The following WIPF2 variants were observed in gnomAD, a reference collection of about 807,000 sequenced individuals.
The protein encoded by WIPF2 is WAS/WASL interacting protein family member 2.
WIPF2 carries 23 observed loss-of-function variants against 38.8 expected under a neutral mutation model. That is an observed-to-expected ratio of 0.59 (90% CI 0.43 to 0.84). WIPF2 has a LOEUF of 0.84. Ranked by LOEUF, WIPF2 falls within the 40% of genes least tolerant of loss-of-function variation. WIPF2 has a pLI of 0.00. For synonymous variants in WIPF2, 210 were observed against 223.2 expected (o/e 0.94, Z 0.53); for missense variants, 574 against 580.5 (o/e 0.99, Z 0.11).
At chr17:40,262,269 A>G (rs559505147) in intron 3 of WIPF2, among the ~76,000 whole-genome samples, 1 of 151,458 alleles carries the variant, frequency 6.6e-6, no homozygotes, top group African/African-American at 2.4e-5. Context: ...TTTTTTGTAG[A>G]GTCAGGTCCT....
intron 1 of WIPF2, among the ~76,000 whole-genome samples, chr17:40,246,396 A>ATTT (rs746176753): frequency 2.2e-5 from 2 of 90,688 alleles, no homozygotes; most frequent in Non-Finnish European, 4.5e-5. Context: ...TGTGCTGCTC[A>ATTT]TTTTTTTTTT....
chr17:40,249,033 CA>C (rs1290638905), intron 1 of WIPF2, among the ~76,000 whole-genome samples: 2 of 151,806 alleles, frequency 1.3e-5, no homozygotes, highest in Non-Finnish European at 2.9e-5. Context: ...GGATTTTGTT[CA>C]GTGCTTTGAT....
At chr17:40,276,007 T>TA (rs1344469777) in intron 6 of WIPF2, among the ~76,000 whole-genome samples, 4 of 152,294 alleles carry the variant, frequency 2.6e-5, no homozygotes, top group African/African-American at 7.2e-5. Context: ...AAGCCGCACT[T>TA]ACAGAAAATT....
rs1452406041 is a variant in WIPF2, at chr17:40,260,647, G to A, written c.176G>A (p.Arg59Gln). 17 of 1,613,598 alleles carry A rather than the reference G, an allele frequency of 1.1e-5. No individual in the cohort carries two copies. Among genetic ancestry groups the A allele is most frequent in the East Asian group, 2.2e-5 (1 of 44,850 alleles). Residue 59 changes from arginine (R) to glutamine (Q), a missense_variant, in exon 3 of 8, where the codon CGG (arginine) becomes CAG (glutamine). By Grantham distance (43) the Arg-to-Gln change is conservative (BLOSUM62 1). Coordinates refer to ENST00000323571, the MANE Select transcript of WIPF2 (RefSeq NM_133264.5). ...KLKKVTNIND[R>Q]SAPILEKPKG... ...AAGAAGGTGACCAACATTAATGATC[G>A]GAGTGCTCCCATCCTCGAGAGTGAG...
chr17:40,268,013 C>T (rs756728362), intron 5 of WIPF2, among the ~76,000 whole-genome samples: 4 of 152,038 alleles, frequency 2.6e-5, no homozygotes, highest in African/African-American at 4.8e-5. Context: ...CCTGGCATGG[C>T]GGTGCATGCC....
At chr17:40,271,882 T>C (rs1349732833) in intron 5 of WIPF2, among the ~76,000 whole-genome samples, 3 of 152,210 alleles carry the variant, frequency 2.0e-5, no homozygotes, top group African/African-American at 4.8e-5. Context: ...TAGAATCTAT[T>C]ATATTCCAGT....
rs1387160542 is a variant in WIPF2, at chr17:40,281,118, T to TGTC, written c.*2897_*2899dup. The TGTC allele has an allele frequency of 1.3e-5, 2 of 152,314 alleles. No homozygotes were observed. Among genetic ancestry groups the TGTC allele is most frequent in the South Asian group, 2.1e-4 (1 of 4,830 alleles). The allele number at this position is 152,314 out of a possible 1,614,324, so 9.4% of individuals were successfully genotyped here. A position where few individuals can be genotyped will look rare whatever the true frequency, so the allele number is the denominator to read the frequency against. On this transcript the variant is annotated 3_prime_UTR_variant, in exon 8 of 8. Transcript: ENST00000323571. The stretch of plus-strand genomic sequence containing the variant: ...TGCTCTTTTTATCTGCTTGTGGGAA[T>TGTC]GTCGTCTCTTTCGTGGAAGATTGGG...
chr17:40,264,512 C>A lies in WIPF2; in HGVS notation c.336C>A (p.Ala112=). 6.2e-7 allele frequency: 1 copy of A among 1,614,054 alleles called. No homozygotes were observed. ...TAGAGAACCTAGCTGGTAAGCCAGC[C>A]CTGCAAATCCCCAGTTCTCGAGCTG... The part of the protein sequence containing the change: ...DGSENLAGKP[A]LQIPSSRAAA... The change falls in exon 5 of 8, where the codon GCC becomes GCA. Residue 112 remains alanine (A), a synonymous_variant. Transcript: ENST00000323571.
At chr17:40,254,762 C>G (rs532473893) in intron 1 of WIPF2, among the ~76,000 whole-genome samples, 2 of 151,232 alleles carry the variant, frequency 1.3e-5, no homozygotes, top group Non-Finnish European at 1.5e-5. Flanking sequence ...GACAGAGTTT[C>G]GCTCTGTTGC....
Position 40,264,730 on chromosome 17 carries a change from G to A in WIPF2, c.554G>A (p.Arg185His), listed in dbSNP as rs142347492. The change falls in exon 5 of 8, where the codon CGT (arginine) becomes CAT (histidine). Residue 185 changes from arginine to histidine, a missense_variant. Transcript: ENST00000323571. Reference sequence around the variant, plus strand: ...CCTCCCCCACCACCCCCAGGGCGGCGTGCCAACGCACCCCCCACACCTCTG... The same window carrying A: ...CCTCCCCCACCACCCCCAGGGCGGCATGCCAACGCACCCCCCACACCTCTG... The part of the protein sequence containing the change: ...SAPPPPPPGR[R>H]ANAPPTPLPM... The A allele has an allele frequency of 1.6e-5, 26 of 1,600,648 alleles. No homozygotes were observed. Among genetic ancestry groups the A allele is most frequent in the Admixed American group, 6.8e-5 (4 of 58,458 alleles).
intron 1 of WIPF2, among the ~76,000 whole-genome samples, chr17:40,253,353 C>T (rs758939326): frequency 2.0e-4 from 30 of 152,198 alleles, no homozygotes; most frequent in Non-Finnish European, 3.8e-4. Context: ...TGAGCCACCG[C>T]GCCCGGCCTA....
chr17:40,236,424 C>T (rs1026082205), intron 1 of WIPF2, among the ~76,000 whole-genome samples: 30 of 151,996 alleles, frequency 2.0e-4, no homozygotes, highest in African/African-American at 6.8e-4. Flanking sequence ...CTGCAACCTC[C>T]ACCTCCCGGT....
chr17:40,245,803 C>A (rs2031343543), intron 1 of WIPF2, among the ~76,000 whole-genome samples: 1 of 152,118 alleles, frequency 6.6e-6, no homozygotes, highest in Non-Finnish European at 1.5e-5. Flanking sequence ...AAAATCCCTC[C>A]TGGTTGAGAG....
intron 5 of WIPF2, among the ~76,000 whole-genome samples, chr17:40,270,120 C>T (rs2032204373): frequency 6.6e-6 from 1 of 151,156 alleles, no homozygotes; most frequent in Non-Finnish European, 1.5e-5. Context: ...AATCCCAGCA[C>T]TTTGGGAGGC....
Position 40,237,619 on chromosome 17 carries a change from C to G in WIPF2, c.-70+18127C>G, listed in dbSNP as rs2031027269. ...CCGACTCTCTGTTGTCGCTTAATTC[C>G]TGTTATCAGTTTGTTTAATTTCCAA... is the stretch of plus-strand genomic sequence containing the variant. On this transcript the variant is annotated intron_variant, in intron 1 of 7. Coordinates refer to ENST00000323571, the MANE Select transcript of WIPF2 (RefSeq NM_133264.5). 2.0e-5 allele frequency among the ~76,000 whole-genome samples: 3 copies of G among 151,322 alleles called. No individual in the cohort carries two copies. The South Asian group carries it at 6.3e-4, about 32-fold the overall frequency.
At chr17:40,224,231 C>CTTTTTT (rs57637591) in intron 1 of WIPF2, among the ~76,000 whole-genome samples, 326 of 110,106 alleles carry the variant, frequency 3.0e-3, no homozygotes, top group Non-Finnish European at 3.6e-3. Context: ...CTTTTCTTTT[C>CTTTTTT]TTTTTTTTTT....
intron 5 of WIPF2, among the ~76,000 whole-genome samples, chr17:40,266,786 G>A (rs1431396425): frequency 6.6e-6 from 1 of 152,108 alleles, no homozygotes; most frequent in Non-Finnish European, 1.5e-5. Context: ...CAGATTGCCT[G>A]AATAATGACC....
intron 1 of WIPF2, among the ~76,000 whole-genome samples, chr17:40,252,020 G>C (rs1487118456): frequency 6.6e-6 from 1 of 152,042 alleles, no homozygotes; most frequent in East Asian, 1.9e-4. Flanking sequence ...AAAAACAAAG[G>C]CTCAAGTGAT....
At chr17:40,257,759 AAG>A (rs1491057579) in intron 2 of WIPF2, among the ~76,000 whole-genome samples, 1 of 151,688 alleles carries the variant, frequency 6.6e-6, no homozygotes, top group Non-Finnish European at 1.5e-5. Context: ...AAAAAAAAAA[AAG>A]GAAAGGAGGA....
Sources: allele counts gnomAD v4.1 joint callset (sites outside exome capture counted in the v4.1 genomes callset), GRCh38; gene constraint gnomAD v4.1.1; transcripts MANE v1.5; gene names NCBI Gene and HGNC (gene_info 2026-07-23, HGNC 2026-07-21).